Variants in GRXCR2 observed in about 807,000 individuals in gnomAD.
The protein encoded by GRXCR2 is glutaredoxin and cysteine rich domain containing 2.
A neutral mutation model predicts 24.8 loss-of-function variants in GRXCR2; 23 were observed. That is an observed-to-expected ratio of 0.93 (90% confidence interval 0.67 to 1.32). The LOEUF (loss-of-function observed/expected upper bound fraction) is 1.32, where lower values mean the gene tolerates loss of function less well. Among genes scored for constraint, GRXCR2 ranks in the 40% most tolerant of loss-of-function variants. The pLI is 0.00. For missense variants in GRXCR2, 315 were observed against 303.4 expected (o/e 1.04, Z -0.28); for synonymous variants, 130 against 116.1 (o/e 1.12, Z -0.77).
chr5:145,904,025 T>C (rs1757059516), intron 2 of GRXCR2, among the ~76,000 whole-genome samples: 1 of 152,116 alleles, frequency 6.6e-6, no homozygotes, highest in Non-Finnish European at 1.5e-5. Flanking sequence ...TGCCCTGAAG[T>C]GGTTTAACAA....
chr5:145,861,433 C>T (rs538414296), intron 2 of GRXCR2, among the ~76,000 whole-genome samples: 37 of 152,236 alleles, frequency 2.4e-4, no homozygotes, highest in East Asian at 1.7e-3. Context: ...CCAATCCCAA[C>T]GCAGCCAACT....
chr5:145,924,325 T>C (rs1470020777), intron 2 of GRXCR2, among the ~76,000 whole-genome samples: 4 of 152,204 alleles, frequency 2.6e-5, no homozygotes, highest in Admixed American at 2.0e-4. Flanking sequence ...AAAGTCTCCA[T>C]TTGTTACTGA....
intron 2 of GRXCR2, among the ~76,000 whole-genome samples, chr5:145,928,348 T>C (rs1343774117): frequency 6.6e-6 from 1 of 152,172 alleles, no homozygotes; most frequent in African/African-American, 2.4e-5. Context: ...AGTGTGGCGA[T>C]TCCTCAGGGA....
chr5:145,876,223 ACACACACATACC>A (rs1561679692), upstream of GRXCR2, among the ~76,000 whole-genome samples: 2 of 145,180 alleles, frequency 1.4e-5, no homozygotes, highest in African/African-American at 5.0e-5. Flanking sequence ...ATATACACAC[ACACACACATACC>A]CACACACACA....
At chr5:145,860,687 G>A (rs1243426062) in intron 2 of GRXCR2, among the ~76,000 whole-genome samples, 2 of 152,142 alleles carry the variant, frequency 1.3e-5, no homozygotes, top group Admixed American at 1.3e-4. Flanking sequence ...TAAGAGCTCT[G>A]TACTTTGGAG....
intron 2 of GRXCR2, among the ~76,000 whole-genome samples, chr5:145,889,047 G>C (rs975862326): frequency 6.6e-6 from 1 of 151,740 alleles, no homozygotes; most frequent in African/African-American, 2.4e-5. Flanking sequence ...GGTGGCAGGC[G>C]CCTGTAATCC....
chr5:145,883,173 A>T (rs181126212), intron 2 of GRXCR2, among the ~76,000 whole-genome samples: 1,537 of 152,048 alleles, frequency 0.01, 33 homozygotes, highest in African/African-American at 0.035. Flanking sequence ...AAGTATAATT[A>T]AAAAAAAGAA....
rs1380025584 is a variant in GRXCR2 at position 145,858,528 on chromosome 5, G to A, written c.*1205C>T. The A allele has an allele frequency of 6.6e-6, 1 of 152,084 alleles. No homozygotes were observed. The highest frequency in any genetic ancestry group is 6.6e-5 in the Admixed American group (1 of 15,264). 9.4% of individuals were successfully genotyped at this position (152,084 alleles called of 1,614,324 possible). Reference sequence around the variant, plus strand: ...CTATCAAGGCTTCAAAAATATTTTAGTCTTTTTTATTAGAATTATTTATAT... The same window carrying A: ...CTATCAAGGCTTCAAAAATATTTTAATCTTTTTTATTAGAATTATTTATAT... On this transcript the variant is annotated 3_prime_UTR_variant, in exon 3 of 3. Transcript: ENST00000377976.
At chr5:145,896,157 T>C (rs1181008998) in intron 2 of GRXCR2, among the ~76,000 whole-genome samples, 1 of 152,090 alleles carries the variant, frequency 6.6e-6, no homozygotes, top group African/African-American at 2.4e-5. Flanking sequence ...ACTTAAATGT[T>C]AGACCTAAAA....
intron 2 of GRXCR2, among the ~76,000 whole-genome samples, chr5:145,887,809 G>C (rs1445442130): frequency 1.3e-5 from 2 of 152,138 alleles, no homozygotes; most frequent in African/African-American, 4.8e-5. Flanking sequence ...TATTTCACTG[G>C]TTGAAATATC....
chr5:145,927,569 G>C (rs1757418726), intron 2 of GRXCR2, among the ~76,000 whole-genome samples: 1 of 152,164 alleles, frequency 6.6e-6, no homozygotes, highest in African/African-American at 2.4e-5. Flanking sequence ...TTGCATCCCA[G>C]GGATGAAGCC....
intron 2 of GRXCR2, among the ~76,000 whole-genome samples, chr5:145,910,513 A>G (rs1463702458): frequency 6.6e-6 from 1 of 152,204 alleles, no homozygotes; most frequent in Non-Finnish European, 1.5e-5. Context: ...AAAATGATTC[A>G]TAATTATAAT....
At chr5:145,914,338 G>A (rs1349074584) in intron 2 of GRXCR2, among the ~76,000 whole-genome samples, 2 of 151,306 alleles carry the variant, frequency 1.3e-5, no homozygotes, top group Admixed American at 6.6e-5. Flanking sequence ...AAATCTTAGG[G>A]CAAATGATAC....
Position 145,863,528 on chromosome 5 carries a change from T to C in GRXCR2, c.564+2973A>G, listed in dbSNP as rs116127411. The stretch of plus-strand genomic sequence containing the variant: ...ATGACCTGCCTTTTATCATTTCTGG[T>C]CCTCTTCTGAAAATACATGCTCCTA... On this transcript the variant is annotated intron_variant, in intron 2 of 2. Transcript: ENST00000377976. Among the ~76,000 whole-genome samples the C allele has an allele frequency of 1.7e-3, 259 of 152,310 alleles. 1 individual carries two copies. The highest frequency in any genetic ancestry group is 6.1e-3 in the African/African-American group (255 of 41,580).
intron 2 of GRXCR2, among the ~76,000 whole-genome samples, chr5:145,921,917 G>C (rs1052909820): frequency 6.6e-6 from 1 of 152,028 alleles, no homozygotes; most frequent in Admixed American, 6.6e-5. Context: ...TTAAAGGCAT[G>C]GTATTTTTAA....
chr5:145,886,947 G>A (rs1756787320), intron 2 of GRXCR2, among the ~76,000 whole-genome samples: 1 of 152,028 alleles, frequency 6.6e-6, no homozygotes, highest in Non-Finnish European at 1.5e-5. Flanking sequence ...CTTTCTGTTA[G>A]AAGTATTTGA....
At chr5:145,877,421 C>T (rs1442222687), upstream of GRXCR2, among the ~76,000 whole-genome samples, 1 of 151,094 alleles carries the variant, frequency 6.6e-6, no homozygotes, top group Admixed American at 6.6e-5. Flanking sequence ...GCAATCTTGG[C>T]TCACTGCAAC....
At chr5:145,880,785 A>T (rs1384916522) in intron 2 of GRXCR2, among the ~76,000 whole-genome samples, 2 of 152,230 alleles carry the variant, frequency 1.3e-5, no homozygotes, top group African/African-American at 2.4e-5. Flanking sequence ...TCTCAATAAC[A>T]TACTGGCAAA....
rs565305840 is a variant in GRXCR2, at chr5:145,891,574, C to T, written c.-69-24846G>A. Among the ~76,000 whole-genome samples the T allele has an allele frequency of 2.0e-4, 30 of 152,228 alleles. 1 individual carries two copies. The South Asian group carries it at 4.4e-3, about 22-fold the overall frequency. The stretch of plus-strand genomic sequence containing the variant: ...CTGAGATCAAACTGCAAGGCAGCAG[C>T]GAGGCTGGGGGAGGGGCGCCCGCCA... On this transcript the variant is annotated intron_variant, in intron 2 of 3. Coordinates refer to the GRXCR2 transcript ENST00000639411.
Sources: allele counts gnomAD v4.1 joint callset (sites outside exome capture counted in the v4.1 genomes callset), GRCh38; gene constraint gnomAD v4.1.1; transcripts MANE v1.5; gene names NCBI Gene and HGNC (gene_info 2026-07-23, HGNC 2026-07-21).